GPR39: variants seen among roughly 807,000 people sequenced by gnomAD.
GPR39 encodes the protein zinc sensing receptor.
GPR39 carries 23 observed loss-of-function variants against 18.4 expected under a neutral mutation model. That is an observed-to-expected ratio of 1.25 (90% CI 0.90 to 1.77). GPR39 has a LOEUF of 1.77. GPR39 is among the 40% of genes most tolerant of loss of function. The pLI, the probability that GPR39 is intolerant of heterozygous loss-of-function variation, is 0.00. For synonymous variants in GPR39, 280 were observed against 257.9 expected, an observed-to-expected ratio of 1.09 and a Z score of -0.82; for missense variants, 647 against 602.4, an observed-to-expected ratio of 1.07 and a Z score of -0.78.
chr2:132,444,229 TG>T (rs1280862300), intron 1 of GPR39, among the ~76,000 whole-genome samples: 2 of 152,216 alleles, frequency 1.3e-5, no homozygotes, highest in Non-Finnish European at 2.9e-5. Flanking sequence ...CCCGAACTAT[TG>T]AACTGTTACC....
intron 1 of GPR39, among the ~76,000 whole-genome samples, chr2:132,567,589 A>G (rs544614952): frequency 3.4e-4 from 52 of 152,282 alleles, no homozygotes; most frequent in African/African-American, 1.3e-3. Flanking sequence ...GTAAGAAAGA[A>G]ATTTCTTTTC....
At chr2:132,445,577 G>A (rs1397041365) in intron 1 of GPR39, among the ~76,000 whole-genome samples, 1 of 152,294 alleles carries the variant, frequency 6.6e-6, no homozygotes, top group South Asian at 2.1e-4. Flanking sequence ...GGACATTTAT[G>A]CCTGTTTTCT....
rs547436158 is a variant in GPR39 at position 132,466,884 on chromosome 2, C to T, written c.856+48986C>T. 5.8e-4 allele frequency among the ~76,000 whole-genome samples: 88 copies of T among 152,284 alleles called. No individual in the cohort carries two copies. The Middle Eastern group carries it at 0.014, about 24-fold the overall frequency. On this transcript the variant is annotated intron_variant, in intron 1 of 1. Transcript: ENST00000329321. ...TCTGACTTGCATTATGATTACTCTT[C>T]AGTATGCAGGAGCTCTCCCTCCCAC...
chr2:132,482,286 T>A (rs1328126359), intron 1 of GPR39, among the ~76,000 whole-genome samples: 1 of 152,270 alleles, frequency 6.6e-6, no homozygotes. Context: ...GATTTTTTAT[T>A]CATTCATTTT....
chr2:132,588,774 T>C (rs1218893052), intron 1 of GPR39, among the ~76,000 whole-genome samples: 4 of 152,190 alleles, frequency 2.6e-5, no homozygotes, highest in Non-Finnish European at 5.9e-5. Flanking sequence ...ATGCTATTCA[T>C]AGAACCAGTC....
At chr2:132,526,964 G>A (rs1273230462) in intron 1 of GPR39, among the ~76,000 whole-genome samples, 1 of 151,964 alleles carries the variant, frequency 6.6e-6, no homozygotes, top group Non-Finnish European at 1.5e-5. Context: ...TTTAAGTTGT[G>A]GGATACATGT....
chr2:132,528,713 A>C (rs748097561), intron 1 of GPR39, among the ~76,000 whole-genome samples: 1 of 152,210 alleles, frequency 6.6e-6, no homozygotes, highest in Admixed American at 6.5e-5. Flanking sequence ...ATCAGAGGTC[A>C]TTCATGATTT....
At chr2:132,457,950 A>G (rs1372826187) in intron 1 of GPR39, among the ~76,000 whole-genome samples, 1 of 152,240 alleles carries the variant, frequency 6.6e-6, no homozygotes, top group Non-Finnish European at 1.5e-5. Context: ...AGGCATGGGA[A>G]AGAATCTCCT....
chr2:132,608,949 A>G (rs183173543), intron 1 of GPR39, among the ~76,000 whole-genome samples: 21 of 152,320 alleles, frequency 1.4e-4, no homozygotes, highest in African/African-American at 4.8e-4. Context: ...TGCCAACATC[A>G]CAAGGCCAAA....
chr2:132,587,030 T>G (rs550871233), intron 1 of GPR39, among the ~76,000 whole-genome samples: 34 of 152,392 alleles, frequency 2.2e-4, no homozygotes, highest in African/African-American at 8.2e-4. Flanking sequence ...TCTGGTTTTC[T>G]GCTTGTCAGC....
At position 132,417,305 on chromosome 2, in the gene GPR39, C is replaced by G; in HGVS notation, c.263C>G (p.Pro88Arg). The G allele has an allele frequency of 1.2e-6, 2 of 1,614,130 alleles. No individual in the cohort carries two copies. The highest frequency in any genetic ancestry group is 1.7e-6 in the Non-Finnish European group (2 of 1,180,016). The change falls in exon 1 of 2, where the codon CCC becomes CGC. Residue 88 changes from proline (P) to arginine (R), a missense_variant. Coordinates refer to ENST00000329321, the MANE Select transcript of GPR39 (RefSeq NM_001508.3). Reference protein sequence around the residue: ...SDILVFLIGMPMEFYSIIWNP... With the variant: ...SDILVFLIGMRMEFYSIIWNP... Reference sequence around the variant, plus strand: ...ATCTTGGTGTTCCTCATCGGCATGCCCATGGAGTTCTACAGCATCATCTGG... The same window carrying G: ...ATCTTGGTGTTCCTCATCGGCATGCGCATGGAGTTCTACAGCATCATCTGG...
chr2:132,587,574 C>A (rs1201434525), intron 1 of GPR39, among the ~76,000 whole-genome samples: 1 of 152,250 alleles, frequency 6.6e-6, no homozygotes, highest in South Asian at 2.1e-4. Context: ...CTCTATCGGC[C>A]AGGCTGGAAT....
At chr2:132,494,001 T>C (rs1681588644) in intron 1 of GPR39, among the ~76,000 whole-genome samples, 1 of 152,108 alleles carries the variant, frequency 6.6e-6, no homozygotes, top group Non-Finnish European at 1.5e-5. Flanking sequence ...TATGGCTTCA[T>C]TGACTCCATA....
chr2:132,531,146 G>A (rs1005059622), intron 1 of GPR39, among the ~76,000 whole-genome samples: 2 of 152,092 alleles, frequency 1.3e-5, no homozygotes, highest in Admixed American at 6.5e-5. Flanking sequence ...TCAAAATAAA[G>A]GGATGGAGGA....
intron 1 of GPR39, among the ~76,000 whole-genome samples, chr2:132,434,373 TAAG>T (rs1485031264): frequency 6.6e-6 from 1 of 152,152 alleles, no homozygotes. Context: ...GCCTGGACAA[TAAG>T]AACACTTTTT....
At chr2:132,479,138 A>T (rs556370410) in intron 1 of GPR39, among the ~76,000 whole-genome samples, 3 of 152,290 alleles carry the variant, frequency 2.0e-5, no homozygotes, top group Admixed American at 2.0e-4. Flanking sequence ...AAAGTGTTGA[A>T]CCCTTTATTT....
chr2:132,625,959 G>A (rs181484883), intron 1 of GPR39, among the ~76,000 whole-genome samples: 1,665 of 152,092 alleles, frequency 0.011, 12 homozygotes, highest in Non-Finnish European at 0.017. Context: ...AATTATCTGG[G>A]CGTGGTGGTG....
At chr2:132,520,447 G>A (rs2104766275) in intron 1 of GPR39, among the ~76,000 whole-genome samples, 1 of 152,328 alleles carries the variant, frequency 6.6e-6, no homozygotes, top group East Asian at 1.9e-4. Context: ...TGATGCAGTG[G>A]TTTCTGGGGT....
chr2:132,585,947 G>GGTTTTTT, intron 1 of GPR39, among the ~76,000 whole-genome samples: 1 of 41,994 alleles, frequency 2.4e-5, no homozygotes, highest in Non-Finnish European at 4.4e-5. Flanking sequence ...AAGCATCCCC[G>GGTTTTTT]GTTTTTTTTT....
Sources: gnomAD v4.1 joint callset for allele counts (sites outside exome capture counted in the v4.1 genomes callset) on GRCh38, gnomAD v4.1.1 for gene constraint, MANE v1.5 for transcripts, NCBI Gene and HGNC (gene_info 2026-07-23, HGNC 2026-07-21) for gene names.